Variants in ADARB1 observed in about 807,000 individuals in gnomAD.
ADARB1 encodes the protein double-stranded RNA-specific editase 1.
Under a neutral mutation model 52.4 loss-of-function variants are expected in ADARB1, and 10 were observed. That is an observed-to-expected ratio of 0.19 (90% confidence interval 0.12 to 0.32). The LOEUF (loss-of-function observed/expected upper bound fraction) is 0.32. Ranked by LOEUF, ADARB1 falls within the 10% of genes least tolerant of loss-of-function variation. The pLI, the probability that ADARB1 is intolerant of heterozygous loss-of-function variation, is 1.00. For synonymous variants in ADARB1, 349 were observed against 371.1 expected (o/e 0.94, Z 0.68); for missense variants, 643 against 922.3 (o/e 0.70, Z 3.92).
At chr21:45,198,499 A>T (rs903078589) in intron 8 of ADARB1, among the ~76,000 whole-genome samples, 58 of 144,992 alleles carry the variant, frequency 4.0e-4, no homozygotes, top group African/African-American at 1.5e-3. Flanking sequence ...AAATTAAATC[A>T]CACACACACA....
intron 1 of ADARB1, among the ~76,000 whole-genome samples, chr21:45,118,036 C>A (rs777931606): frequency 6.6e-6 from 1 of 152,174 alleles, no homozygotes; most frequent in East Asian, 1.9e-4. Flanking sequence ...TCATTAGGCT[C>A]CCTGTGCTTT....
chr21:45,148,613 C>T (rs2090126846), intron 2 of ADARB1, among the ~76,000 whole-genome samples: 1 of 152,210 alleles, frequency 6.6e-6, no homozygotes, highest in African/African-American at 2.4e-5. Flanking sequence ...TGTGAAAAAT[C>T]AGGGCTCTGA....
chr21:45,194,680 A>G (rs1044836406), intron 8 of ADARB1, among the ~76,000 whole-genome samples: 18 of 152,228 alleles, frequency 1.2e-4, no homozygotes, highest in African/African-American at 4.3e-4. Flanking sequence ...TTGGAATCAT[A>G]CAGTATGTAG....
intron 9 of ADARB1, among the ~76,000 whole-genome samples, chr21:45,206,820 C>CAGG (rs902028431): frequency 2.6e-4 from 40 of 152,176 alleles, no homozygotes; most frequent in Admixed American, 2.3e-3. Flanking sequence ...GTGATCTGTC[C>CAGG]ACCTCAGCCT....
At position 45,175,823 on chromosome 21, in the gene ADARB1, T is replaced by C; in HGVS notation, c.122T>C (p.Leu41Pro). The C allele has an allele frequency of 6.2e-7, 1 of 1,614,074 alleles. No homozygotes were observed. The highest frequency in any genetic ancestry group is 8.5e-7 in the Non-Finnish European group (1 of 1,180,008). Residue 41 changes from leucine to proline, a missense_variant, in exon 4 of 11, where the codon CTC becomes CCC. Around this residue, in one of 2 missense-constraint regions of ADARB1, gnomAD observed 380 missense variants for 446.5 expected, o/e 0.85. Coordinates refer to ENST00000348831, the MANE Select transcript of ADARB1 (RefSeq NM_001112.4). ...STPGPGEGSQ[L>P]SNGGGGGPGR... is the part of the protein sequence containing the mutation. The stretch of plus-strand genomic sequence containing the variant: ...CCTGGGCCTGGCGAGGGCTCTCAGC[T>C]CTCCAATGGGGGTGGTGGTGGCCCC...
intron 2 of ADARB1, among the ~76,000 whole-genome samples, chr21:45,159,724 C>G (rs1203377868): frequency 6.6e-6 from 1 of 152,176 alleles, no homozygotes; most frequent in Non-Finnish European, 1.5e-5. Context: ...CCAGCCTCTT[C>G]TGACTTTTGG....
intron 1 of ADARB1, among the ~76,000 whole-genome samples, chr21:45,124,956 G>A (rs545537635): frequency 1.8e-4 from 27 of 151,732 alleles, no homozygotes; most frequent in East Asian, 1.2e-3. Flanking sequence ...GTGTTACTAC[G>A]CCTGGCTAAT....
At chr21:45,216,864 C>G (rs1392267473) in intron 9 of ADARB1, among the ~76,000 whole-genome samples, 1 of 151,746 alleles carries the variant, frequency 6.6e-6, no homozygotes, top group Non-Finnish European at 1.5e-5. Flanking sequence ...TTTTTACTTC[C>G]TGTATTTTGT....
At chr21:45,134,315 G>A (rs1198467638) in intron 2 of ADARB1, among the ~76,000 whole-genome samples, 28 of 101,852 alleles carry the variant, frequency 2.7e-4, no homozygotes, top group East Asian at 6.1e-4. Flanking sequence ...TGGTGTGTGC[G>A]CCCGCCGGGT....
chr21:45,225,598 A>T lies in ADARB1; in HGVS notation c.*3401A>T, dbSNP rs1255014801. 22 of 1,320,494 alleles carry T rather than the reference A, an allele frequency of 1.7e-5. No homozygotes were observed. Among genetic ancestry groups the T allele is most frequent in the Admixed American group, 3.0e-5 (1 of 33,748 alleles). The allele number at this position is 1,320,494 out of a possible 1,614,324, so 81.8% of individuals were successfully genotyped here. On this transcript the variant is annotated 3_prime_UTR_variant, in exon 11 of 11. Transcript: ENST00000348831. ...CTTCACATTGTGCACAGATCTGAGGATGGGATTAGCGAAGCTGTGGAGACT... is the reference window on the plus strand; with the variant it reads ...CTTCACATTGTGCACAGATCTGAGGTTGGGATTAGCGAAGCTGTGGAGACT...
intron 2 of ADARB1, among the ~76,000 whole-genome samples, chr21:45,151,945 C>T (rs1476693218): frequency 6.6e-6 from 1 of 152,176 alleles, no homozygotes; most frequent in Non-Finnish European, 1.5e-5. Flanking sequence ...ATGAGCTGTG[C>T]CCCTGCTCTG....
chr21:45,087,179 C>T (rs899629348), intron 1 of ADARB1, among the ~76,000 whole-genome samples: 9 of 152,238 alleles, frequency 5.9e-5, no homozygotes, highest in African/African-American at 2.2e-4. Flanking sequence ...CACAGAAACA[C>T]TTACCCTTTG....
chr21:45,224,127 T>C lies in ADARB1; in HGVS notation c.*1930T>C. The C allele has an allele frequency of 6.1e-6, 6 of 985,456 alleles. No homozygotes were observed. The highest frequency in any genetic ancestry group is 7.2e-6 in the Non-Finnish European group (6 of 829,950). The allele number at this position is 985,456 out of a possible 1,614,324, so 61.0% of individuals were successfully genotyped here. A position where few individuals can be genotyped will look rare whatever the true frequency, so the allele number is the denominator to read the frequency against. The stretch of plus-strand genomic sequence containing the variant: ...AAACACCTTGTAAGTCTGTGCATTT[T>C]TATTGTCTTGATAAATTGTATTTTT... On this transcript the variant is annotated 3_prime_UTR_variant, in exon 11 of 11. Transcript: ENST00000348831.
At chr21:45,219,283 T>C (rs1043842216) in intron 9 of ADARB1, among the ~76,000 whole-genome samples, 1 of 152,162 alleles carries the variant, frequency 6.6e-6, no homozygotes, top group Non-Finnish European at 1.5e-5. Flanking sequence ...CCCAACACTT[T>C]GGGAGGCCGA....
At position 45,220,212 on chromosome 21, in the gene ADARB1, A is replaced by G. The variant is rs1408426138; in HGVS notation, c.1748-624A>G. ...TTAGTACAAGTTTATTTTGGTGCCA[A>G]AAAATTTTGAAATCCATGAGGTTTT... On this transcript the variant is annotated intron_variant, in intron 9 of 10. Transcript: ENST00000348831. This position sits in a 1 kb window ranked among gnomAD's most constrained non-coding sequence, Gnocchi z 6.3. Among the ~76,000 whole-genome samples the G allele has an allele frequency of 6.6e-6, 1 of 152,166 alleles. No homozygotes were observed. The highest frequency in any genetic ancestry group is 2.4e-5 in the African/African-American group (1 of 41,440).
At chr21:45,140,214 C>G (rs1378842807) in intron 2 of ADARB1, among the ~76,000 whole-genome samples, 1 of 152,142 alleles carries the variant, frequency 6.6e-6, no homozygotes, top group Non-Finnish European at 1.5e-5. Flanking sequence ...AAAAATCATT[C>G]TTCTAAAGTG....
At chr21:45,125,381 T>A (rs916514816) in intron 1 of ADARB1, among the ~76,000 whole-genome samples, 1 of 152,232 alleles carries the variant, frequency 6.6e-6, no homozygotes, top group African/African-American at 2.4e-5. Context: ...TGAGAAGGCT[T>A]CTTCAGTGAG....
intron 1 of ADARB1, among the ~76,000 whole-genome samples, chr21:45,086,668 T>C (rs1005292996): frequency 6.6e-6 from 1 of 152,238 alleles, no homozygotes; most frequent in African/African-American, 2.4e-5. Context: ...AGTAATTTGT[T>C]CCTTTTAGTC....
chr21:45,107,738 T>G (rs1251658772), intron 1 of ADARB1, among the ~76,000 whole-genome samples: 1 of 152,164 alleles, frequency 6.6e-6, no homozygotes, highest in Non-Finnish European at 1.5e-5. Context: ...ACTGTTCCAA[T>G]GTTAGACACA....
Sources: allele counts gnomAD v4.1 joint callset (sites outside exome capture counted in the v4.1 genomes callset), GRCh38; gene constraint gnomAD v4.1.1; regional missense constraint gnomAD v4.1.1; non-coding constraint Gnocchi (gnomAD v3.1); transcripts MANE v1.5; gene names NCBI Gene and HGNC (gene_info 2026-07-23, HGNC 2026-07-21).